RSPH9: variants seen among roughly 807,000 people sequenced by gnomAD.
RSPH9 encodes the protein radial spoke head protein 9 homolog.
In RSPH9, 27 loss-of-function variants were observed where a neutral mutation model predicts 27.0. The ratio of observed to expected loss-of-function variants is 1.00; its 90% confidence interval spans 0.74 to 1.38. RSPH9 has a LOEUF of 1.38. Ranked by LOEUF, RSPH9 falls within the 40% of genes most tolerant of loss-of-function variation. The probability of loss-of-function intolerance (pLI) is 0.00; values close to 1 mark genes in which losing one functional copy is unlikely to be tolerated. For missense variants in RSPH9, 347 were observed against 357.4 expected (o/e 0.97, Z 0.24); for synonymous variants, 145 against 147.7 (o/e 0.98, Z 0.13).
At position 43,655,645 on chromosome 6, in the gene RSPH9, C is replaced by A. The variant is rs1771924599; in HGVS notation, c.477C>A (p.Leu159=). ...KAVAIIPRGA[L]FKTPFGPTHV... is the part of the protein sequence containing the mutation. ...TGGCCATCATCCCCCGAGGCGCCCT[C>A]TTCAAGACCCCTTTTGGACCCACCC... Residue 159 remains leucine (L), a synonymous_variant, in exon 3 of 5, where the codon CTC becomes CTA. Transcript: ENST00000372163. 6.2e-7 allele frequency: 1 copy of A among 1,614,240 alleles called. No individual in the cohort carries two copies. Among genetic ancestry groups the A allele is most frequent in the Non-Finnish European group, 8.5e-7 (1 of 1,180,044 alleles).
At position 43,671,222 on chromosome 6, in the gene RSPH9, G is replaced by A. The variant is rs1195275672; in HGVS notation, c.*273G>A. 3 of 562,434 alleles carry A rather than the reference G, an allele frequency of 5.3e-6. No individual in the cohort carries two copies. Among genetic ancestry groups the A allele is most frequent in the Non-Finnish European group, 9.5e-6 (3 of 315,280 alleles). The allele number at this position is 562,434 out of a possible 1,614,324, so 34.8% of individuals were successfully genotyped here. The stretch of plus-strand genomic sequence containing the variant: ...GCCCCTTTGAGGAACGCAGTTTCTT[G>A]GATTCACACGAGAGCGGCAAGTGTG... On this transcript the variant is annotated 3_prime_UTR_variant, in exon 5 of 5. Coordinates refer to ENST00000372163, the MANE Select transcript of RSPH9 (RefSeq NM_152732.5).
intron 1 of RSPH9, among the ~76,000 whole-genome samples, chr6:43,649,205 T>C (rs1329616276): frequency 6.6e-6 from 1 of 152,090 alleles, no homozygotes; most frequent in Non-Finnish European, 1.5e-5. Flanking sequence ...TTTGTTTTTT[T>C]TGAGATGGAG....
chr6:43,655,673 G>C lies in RSPH9; in HGVS notation c.505G>C (p.Val169Leu), dbSNP rs1434434811. ...LFKTPFGPTH[V>L]NRTFEGLSLS... ...CAAGACCCCTTTTGGACCCACCCAT[G>C]TCAATCGGACCTTTGAAGGTGAGTT... The change falls in exon 3 of 5, where the codon GTC becomes CTC. Residue 169 changes from valine to leucine, a missense_variant. Val to Leu is a conservative substitution (Grantham distance 32, BLOSUM62 1). Coordinates refer to ENST00000372163, the MANE Select transcript of RSPH9 (RefSeq NM_152732.5). 6.2e-7 allele frequency: 1 copy of C among 1,614,122 alleles called. No homozygotes were observed. The highest frequency in any genetic ancestry group is 2.2e-5 in the East Asian group (1 of 44,896).
In RSPH9 at chr6:43,655,629, T is replaced by A; in HGVS notation, c.461T>A (p.Ile154Asn). Residue 154 changes from isoleucine to asparagine, a missense_variant, in exon 3 of 5, where the codon ATC (isoleucine) becomes AAC (asparagine). Transcript: ENST00000372163. ...IDQIDKAVAI[I>N]PRGALFKTPF... ...CAGATTGACAAGGCTGTGGCCATCATCCCCCGAGGCGCCCTCTTCAAGACC... is the reference window on the plus strand; with the variant it reads ...CAGATTGACAAGGCTGTGGCCATCAACCCCCGAGGCGCCCTCTTCAAGACC... 1 of 1,614,098 alleles carries A rather than the reference T, an allele frequency of 6.2e-7. No individual in the cohort carries two copies. The highest frequency in any genetic ancestry group is 8.5e-7 in the Non-Finnish European group (1 of 1,179,996).
chr6:43,646,058 G>A (rs1229914671), intron 1 of RSPH9, among the ~76,000 whole-genome samples: 1 of 151,926 alleles, frequency 6.6e-6, no homozygotes, highest in Non-Finnish European at 1.5e-5. Flanking sequence ...GGATTCAAGC[G>A]ATTTTCCTGC....
intron 1 of RSPH9, among the ~76,000 whole-genome samples, chr6:43,649,490 T>C (rs1051140549): frequency 6.6e-6 from 1 of 152,008 alleles, no homozygotes; most frequent in Non-Finnish European, 1.5e-5. Context: ...TGAGCCATTT[T>C]TATGTTAAGG....
chr6:43,656,680 C>T lies in RSPH9; in HGVS notation c.627C>T (p.Pro209=). The change falls in exon 4 of 5, where the codon CCC becomes CCT. Residue 209 remains proline (P), a synonymous_variant. Transcript: ENST00000372163. ...KTLLEKADLD[P]SLDFMDSLEH... is the part of the protein sequence containing the mutation. The stretch of plus-strand genomic sequence containing the variant: ...TGCTTGAGAAGGCTGACCTGGACCC[C>T]TCCCTGGATTTCATGGACTCCTTGG... 1 of 1,614,184 alleles carries T rather than the reference C, an allele frequency of 6.2e-7. No individual in the cohort carries two copies. The highest frequency in any genetic ancestry group is 1.3e-5 in the African/African-American group (1 of 75,042).
At chr6:43,658,908 C>T (rs1334943313) in intron 4 of RSPH9, among the ~76,000 whole-genome samples, 2 of 152,030 alleles carry the variant, frequency 1.3e-5, no homozygotes, top group Middle Eastern at 3.2e-3. Context: ...AGGATGGTCT[C>T]GATTTCTTGA....
intron 4 of RSPH9, among the ~76,000 whole-genome samples, chr6:43,657,171 C>A (rs1772124630): frequency 6.6e-6 from 1 of 152,214 alleles, no homozygotes; most frequent in African/African-American, 2.4e-5. Flanking sequence ...AGAGCATGTC[C>A]TTGGATTCTA....
At chr6:43,647,462 T>C (rs1247413671) in intron 1 of RSPH9, among the ~76,000 whole-genome samples, 2 of 152,164 alleles carry the variant, frequency 1.3e-5, no homozygotes, top group Non-Finnish European at 2.9e-5. Context: ...TCCGAGGGAA[T>C]GCAGAGGAGG....
intron 3 of RSPH9, among the ~76,000 whole-genome samples, chr6:43,655,905 A>G (rs1298012670): frequency 6.6e-6 from 1 of 151,904 alleles, no homozygotes; most frequent in Non-Finnish European, 1.5e-5. Context: ...CAGTTTGAGG[A>G]GTGGGAGAGC....
intron 2 of RSPH9, 83 bp from the exon 3 acceptor site, chr6:43,655,479 T>G: frequency 1.3e-5 from 19 of 1,512,488 alleles, no homozygotes; most frequent in Non-Finnish European, 1.7e-5. Context: ...GTGGTGCGGG[T>G]GAGATGGCCG....
chr6:43,662,045 G>A (rs1447193736), intron 4 of RSPH9, among the ~76,000 whole-genome samples: 1 of 152,086 alleles, frequency 6.6e-6, no homozygotes, highest in Non-Finnish European at 1.5e-5. Flanking sequence ...GTGCCACCAT[G>A]CCTGGCTTAT....
chr6:43,646,097 G>C (rs1770828703), intron 1 of RSPH9, among the ~76,000 whole-genome samples: 1 of 151,568 alleles, frequency 6.6e-6, no homozygotes. Flanking sequence ...TGGGATTACA[G>C]GCACGTGCCA....
intron 4 of RSPH9, among the ~76,000 whole-genome samples, chr6:43,669,384 C>G (rs1773482627): frequency 6.6e-6 from 1 of 152,204 alleles, no homozygotes; most frequent in Non-Finnish European, 1.5e-5. Flanking sequence ...AGTAAGGGTG[C>G]ATGAGCTGCC....
At chr6:43,662,516 G>A (rs536647948) in intron 4 of RSPH9, among the ~76,000 whole-genome samples, 9 of 152,036 alleles carry the variant, frequency 5.9e-5, no homozygotes, top group South Asian at 2.1e-4. Context: ...ATAGGCGCCC[G>A]CCACCACGCC....
Position 43,671,902 on chromosome 6 carries a change from G to A in RSPH9, c.*953G>A, listed in dbSNP as rs749109892. On this transcript the variant is annotated 3_prime_UTR_variant, in exon 5 of 5. Coordinates refer to ENST00000372163, the MANE Select transcript of RSPH9 (RefSeq NM_152732.5). ...ACGGAGCCAGGAGCCCAGCGCGTCA[G>A]GTACCTGTGGAGGGAGAACAAAGAG... 6.2e-7 allele frequency: 1 copy of A among 1,605,604 alleles called. No individual in the cohort carries two copies. Among genetic ancestry groups the A allele is most frequent in the Admixed American group, 1.7e-5 (1 of 58,820 alleles).
intron 1 of RSPH9, among the ~76,000 whole-genome samples, chr6:43,646,663 A>C (rs1275206914): frequency 2.1e-5 from 3 of 143,754 alleles, no homozygotes; most frequent in South Asian, 2.2e-4. Context: ...CCTCATCACT[A>C]CAAAAAAAAA....
rs9784790 is a variant in RSPH9 at position 43,650,760 on chromosome 6, G to A, written c.393+220G>A. On this transcript the variant is annotated intron_variant, in intron 2 of 4. Coordinates refer to ENST00000372163, the MANE Select transcript of RSPH9 (RefSeq NM_152732.5). ...TCTCTACTACAAATACAAAAAATTA[G>A]CTGGGTGTGGTGGCAGGCACCTGTA... 0.014 allele frequency among the ~76,000 whole-genome samples: 2,080 copies of A among 152,092 alleles called. 51 individuals carry two copies. The highest frequency in any genetic ancestry group is 0.048 in the African/African-American group (1,980 of 41,464).
Sources: gnomAD v4.1 joint callset for allele counts (sites outside exome capture counted in the v4.1 genomes callset) on GRCh38, gnomAD v4.1.1 for gene constraint, MANE v1.5 for transcripts, NCBI Gene and HGNC (gene_info 2026-07-23, HGNC 2026-07-21) for gene names.